SRD5A2: variants seen among roughly 807,000 people sequenced by gnomAD.
SRD5A2 encodes 3-oxo-5-alpha-steroid 4-dehydrogenase 2.
Under a neutral mutation model 27.4 loss-of-function variants are expected in SRD5A2, and 30 were observed. That is an observed-to-expected ratio of 1.10 (90% confidence interval 0.82 to 1.49). SRD5A2 has a LOEUF of 1.49. Among genes scored for constraint, SRD5A2 ranks in the 40% most tolerant of loss-of-function variants. The pLI, the probability that SRD5A2 is intolerant of heterozygous loss-of-function variation, is 0.00. For synonymous variants in SRD5A2, 141 were observed against 133.6 expected (o/e 1.06, Z -0.38); for missense variants, 348 against 323.4 (o/e 1.08, Z -0.58).
chr2:31,567,403 T>A (rs1057189366), intron 1 of SRD5A2, among the ~76,000 whole-genome samples: 5 of 151,538 alleles, frequency 3.3e-5, no homozygotes, highest in African/African-American at 9.7e-5. Flanking sequence ...TACTATTCAG[T>A]CAACTGAACC....
the SRD5A2 span, among the ~76,000 whole-genome samples, chr2:31,612,681 G>A: frequency 2.6e-5 from 4 of 151,984 alleles, no homozygotes; most frequent in Non-Finnish European, 4.4e-5. Context: ...AAATTTATAC[G>A]GAGTTACAAA....
At chr2:31,626,008 C>T in the SRD5A2 span, among the ~76,000 whole-genome samples, 1 of 152,134 alleles carries the variant, frequency 6.6e-6, no homozygotes, top group Non-Finnish European at 1.5e-5. Context: ...GAATGTTCTT[C>T]CATTTGTTTG....
intron 1 of SRD5A2, among the ~76,000 whole-genome samples, chr2:31,566,179 G>T (rs1353802729): frequency 1.3e-5 from 2 of 152,052 alleles, no homozygotes; most frequent in South Asian, 4.1e-4. Context: ...GTAACAACAT[G>T]TCGGAATTTG....
At chr2:31,646,807 A>G in the SRD5A2 span, among the ~76,000 whole-genome samples, 3 of 152,178 alleles carry the variant, frequency 2.0e-5, no homozygotes, top group African/African-American at 4.8e-5. Flanking sequence ...CTTGTCCCCA[A>G]ACATCTAACA....
the SRD5A2 span, among the ~76,000 whole-genome samples, chr2:31,652,131 T>G: frequency 6.6e-6 from 1 of 152,336 alleles, no homozygotes; most frequent in East Asian, 1.9e-4. Context: ...CTAATTTTTA[T>G]TTTTTGTAGA....
chr2:31,541,875 A>T (rs1666136379), intron 1 of SRD5A2, among the ~76,000 whole-genome samples: 1 of 152,176 alleles, frequency 6.6e-6, no homozygotes, highest in Non-Finnish European at 1.5e-5. Flanking sequence ...GCCAACACAC[A>T]CAGGGAGCAT....
chr2:31,658,654 C>T, the SRD5A2 span, among the ~76,000 whole-genome samples: 1 of 151,826 alleles, frequency 6.6e-6, no homozygotes, highest in Non-Finnish European at 1.5e-5. Flanking sequence ...TATACAATCT[C>T]CCAAGGTTGA....
Position 31,533,778 on chromosome 2 carries a change from AG to A in SRD5A2, c.282-13del, listed in dbSNP as rs1239841070. On this transcript the variant is annotated splice_polypyrimidine_tract_variant and intron_variant, in intron 1 of 4. Transcript: ENST00000622030. ...AGTACACAAATGTCCTGGGACACAC[AG>A]GGAGGAAAGGTTAGGATTCACTGTT... 2.5e-6 allele frequency: 4 copies of A among 1,597,408 alleles called. No individual in the cohort carries two copies. In the African/African-American group the frequency reaches 4.0e-5, roughly 16 times the overall value.
At chr2:31,640,443 A>T in the SRD5A2 span, among the ~76,000 whole-genome samples, 1 of 152,026 alleles carries the variant, frequency 6.6e-6, no homozygotes. Flanking sequence ...AGGATTAGTT[A>T]TTAATCCCCA....
intron 1 of SRD5A2, among the ~76,000 whole-genome samples, chr2:31,537,294 C>A (rs544966167): frequency 6.6e-6 from 1 of 152,126 alleles, no homozygotes; most frequent in Non-Finnish European, 1.5e-5. Context: ...TCTACTACTC[C>A]ATTTTCCTGC....
the SRD5A2 span, among the ~76,000 whole-genome samples, chr2:31,607,080 A>T: frequency 6.6e-6 from 1 of 152,080 alleles, no homozygotes; most frequent in African/African-American, 2.4e-5. Flanking sequence ...TAGTTGAATA[A>T]GGAAGAAGAG....
In SRD5A2 at chr2:31,533,650, C is replaced by T. The variant is rs370769538; in HGVS notation, c.398G>A (p.Cys133Tyr). The change falls in exon 2 of 5, where the codon TGT becomes TAT. Residue 133 changes from cysteine (C) to tyrosine (Y), a missense_variant. By Grantham distance (194) the Cys-to-Tyr change is radical. Coordinates refer to ENST00000622030, the MANE Select transcript of SRD5A2 (RefSeq NM_000348.4). Reference protein sequence around the residue: ...GVLQGYYLIYCAEYPDGWYTD... With the variant: ...GVLQGYYLIYYAEYPDGWYTD... Reference sequence around the variant, plus strand: ...GTACCACCCATCAGGGTATTCAGCACAGTAAATCAGATAGTAGCCTTGAAG... The same window carrying T: ...GTACCACCCATCAGGGTATTCAGCATAGTAAATCAGATAGTAGCCTTGAAG... 3 of 1,557,334 alleles carry T rather than the reference C, an allele frequency of 1.9e-6. No homozygotes were observed. In the African/African-American group the frequency reaches 4.1e-5, roughly 21 times the overall value.
the SRD5A2 span, among the ~76,000 whole-genome samples, chr2:31,636,923 C>A: frequency 6.6e-6 from 1 of 151,922 alleles, no homozygotes; most frequent in Non-Finnish European, 1.5e-5. Flanking sequence ...GGATATTGGC[C>A]TCTATTTTTC....
intron 1 of SRD5A2, among the ~76,000 whole-genome samples, chr2:31,558,554 T>C (rs1283786179): frequency 6.6e-6 from 1 of 152,224 alleles, no homozygotes; most frequent in Non-Finnish European, 1.5e-5. Context: ...ATGGCCATCG[T>C]CCCGGTGTTT....
chr2:31,628,262 GTC>G, the SRD5A2 span, among the ~76,000 whole-genome samples: 3 of 152,014 alleles, frequency 2.0e-5, no homozygotes, highest in Non-Finnish European at 4.4e-5. Flanking sequence ...TTATTTTAAA[GTC>G]TGTTTCTTCT....
chr2:31,643,734 G>T, the SRD5A2 span, among the ~76,000 whole-genome samples: 390 of 152,252 alleles, frequency 2.6e-3, 2 homozygotes, highest in African/African-American at 9.1e-3. Context: ...GTCTACCGCA[G>T]GTTAAATCTG....
At chr2:31,553,800 C>G (rs142232193) in intron 1 of SRD5A2, among the ~76,000 whole-genome samples, 14 of 152,232 alleles carry the variant, frequency 9.2e-5, no homozygotes, top group Middle Eastern at 3.4e-3. Context: ...ATTTCCCTTA[C>G]TGGATGTCTG....
the SRD5A2 span, among the ~76,000 whole-genome samples, chr2:31,626,005 C>A: frequency 1.3e-5 from 2 of 152,124 alleles, no homozygotes; most frequent in African/African-American, 2.4e-5. Flanking sequence ...ATGGAATGTT[C>A]TTCCATTTGT....
chr2:31,630,332 G>A, the SRD5A2 span, among the ~76,000 whole-genome samples: 1 of 152,184 alleles, frequency 6.6e-6, no homozygotes, highest in Non-Finnish European at 1.5e-5. Flanking sequence ...AGAGAAAAGA[G>A]AGAAAAGAGA....
Sources: gnomAD v4.1 joint callset for allele counts (sites outside exome capture counted in the v4.1 genomes callset) on GRCh38, gnomAD v4.1.1 for gene constraint, MANE v1.5 for transcripts, NCBI Gene and HGNC (gene_info 2026-07-23, HGNC 2026-07-21) for gene names.